The following OTUD5 variants were observed in gnomAD, a reference collection of about 807,000 sequenced individuals.
OTUD5 encodes the protein OTU domain-containing protein 5.
Under a neutral mutation model 36.3 loss-of-function variants are expected in OTUD5, and 2 were observed. The observed-to-expected ratio is 0.06, with a 90% CI of 0.02 to 0.17. The LOEUF (loss-of-function observed/expected upper bound fraction) is 0.17. Ranked by LOEUF, OTUD5 falls within the 10% of genes least tolerant of loss-of-function variation. The probability of loss-of-function intolerance (pLI) is 1.00; values close to 1 mark genes in which losing one functional copy is unlikely to be tolerated. For synonymous variants in OTUD5, 234 were observed against 214.9 expected (o/e 1.09, Z -0.78); for missense variants, 233 against 512.3 (o/e 0.45, Z 5.26).
In OTUD5 at chrX:48,922,973, GCA is replaced by G; in HGVS notation, c.*199_*200del. 1 of 1,072,229 alleles carries G rather than the reference GCA, an allele frequency of 9.3e-7. No individual in the cohort carries two copies. The highest frequency in any genetic ancestry group is 1.2e-6 in the Non-Finnish European group (1 of 828,730). The allele number at this position is 1,072,229 out of a possible 1,213,427, so 88.4% of individuals were successfully genotyped here. ...GGGGGGCAACAGGGCACATCAGCTG[GCA>G]GAGAGACAGGTGATAGTGGCAGCGG... On this transcript the variant is annotated 3_prime_UTR_variant, in exon 9 of 9. Transcript: ENST00000376488.
intron 2 of OTUD5, among the ~76,000 whole-genome samples, chrX:48,943,433 T>C (rs1207225920): frequency 8.9e-6 from 1 of 111,903 alleles, no homozygotes; most frequent in Non-Finnish European, 1.9e-5. Flanking sequence ...TATTTATGAA[T>C]GAAATGATCC....
At chrX:48,953,722 C>A in intron 1 of OTUD5, among the ~76,000 whole-genome samples, 1 of 111,353 alleles carries the variant, frequency 9.0e-6, no homozygotes, top group East Asian at 2.8e-4. Context: ...AGCAAGGCAG[C>A]CATGCCTGGG....
In OTUD5 at chrX:48,956,591, A is replaced by G. The variant is rs1305136917; in HGVS notation, c.594+386T>C. Among the ~76,000 whole-genome samples, 3 of 111,250 alleles carry G rather than the reference A, an allele frequency of 2.7e-5. No individual in the cohort carries two copies. The Admixed American group carries it at 2.9e-4, about 11-fold the overall frequency. ...TCAAACTTCTATCCCAGAGGAAAAG[A>G]GCTCTTAAGCCACTGAACACATACC... On this transcript the variant is annotated intron_variant, in intron 1 of 8. Transcript: ENST00000376488.
At chrX:48,947,936 G>A (rs1414637703) in intron 1 of OTUD5, among the ~76,000 whole-genome samples, 1 of 111,910 alleles carries the variant, frequency 8.9e-6, no homozygotes, top group Non-Finnish European at 1.9e-5. Context: ...GGAGGACCAG[G>A]AAGAAAGATG....
At position 48,957,477 on chromosome X, in the gene OTUD5, G is replaced by T; in HGVS notation, c.94C>A (p.Arg32Ser). The change falls in exon 1 of 9, where the codon CGC (arginine) becomes AGC (serine). Residue 32 changes from arginine (R) to serine (S), a missense_variant. By Grantham distance (110) the Arg-to-Ser change is moderately radical (BLOSUM62 -1). Transcript: ENST00000376488. Reference sequence around the variant, plus strand: ...CCGCCCACGCCCACACCTCCGCCGCGCCGCGGCGCCGGGGGCATCGGCCCG... The same window carrying T: ...CCGCCCACGCCCACACCTCCGCCGCTCCGCGGCGCCGGGGGCATCGGCCCG... ...PPGPMPPAPRRGGGVGVGGGG... is the reference protein window; with the variant it reads ...PPGPMPPAPRSGGGVGVGGGG... 1.2e-6 allele frequency: 1 copy of T among 859,779 alleles called. No homozygotes were observed. Among genetic ancestry groups the T allele is most frequent in the Non-Finnish European group, 1.4e-6 (1 of 701,723 alleles). 70.9% of individuals were successfully genotyped at this position (859,779 alleles called of 1,213,427 possible). A position where few individuals can be genotyped will look rare whatever the true frequency, so the allele number is the denominator to read the frequency against.
rs181095215 is a variant in OTUD5 at position 48,929,249 on chromosome X, G to A, written c.1060-3199C>T. ...TAAAAATCAAAAAAATTAGCTGGGC[G>A]TGGTGGCGCGTGCCTGTAATCCCAG... On this transcript the variant is annotated intron_variant, in intron 5 of 8. Coordinates refer to ENST00000376488, the MANE Select transcript of OTUD5 (RefSeq NM_001136157.2). Among the ~76,000 whole-genome samples, 474 of 108,895 alleles carry A rather than the reference G, an allele frequency of 4.4e-3. 13 individuals carry two copies. The highest frequency in any genetic ancestry group is 0.03 in the Admixed American group (302 of 10,150). The allele number at this position is 108,895 out of a possible 115,157, so 94.6% of individuals were successfully genotyped here. A position where few individuals can be genotyped will look rare whatever the true frequency, so the allele number is the denominator to read the frequency against.
chrX:48,949,593 G>A (rs1036175441), intron 1 of OTUD5, among the ~76,000 whole-genome samples: 15 of 111,312 alleles, frequency 1.3e-4, no homozygotes, highest in African/African-American at 4.6e-4. Context: ...CAGGAGAATC[G>A]CTGGAACCTG....
At position 48,924,066 on chromosome X, in the gene OTUD5, G is replaced by C. The variant is rs1557047139; in HGVS notation, c.1264-14C>G. Reference sequence around the variant, plus strand: ...GGCTTTCCGGGGCTGCAGCGGGGAAGGTAAATGCGTTAAGGACCACCAGCA... The same window carrying C: ...GGCTTTCCGGGGCTGCAGCGGGGAACGTAAATGCGTTAAGGACCACCAGCA... On this transcript the variant is annotated splice_polypyrimidine_tract_variant and intron_variant, in intron 6 of 8. Coordinates refer to ENST00000376488, the MANE Select transcript of OTUD5 (RefSeq NM_001136157.2). The C allele has an allele frequency of 8.5e-7, 1 of 1,182,935 alleles. No homozygotes were observed. The highest frequency in any genetic ancestry group is 2.3e-5 in the Admixed American group (1 of 42,633).
intron 1 of OTUD5, among the ~76,000 whole-genome samples, chrX:48,950,584 C>A (rs961374836): frequency 4.1e-5 from 4 of 98,226 alleles, no homozygotes; most frequent in Non-Finnish European, 6.2e-5. Context: ...GCTCTGTCAC[C>A]CAGGCTGGAG....
At chrX:48,941,432 C>CAAAAAAAAAAAAAA (rs200040194) in intron 2 of OTUD5, among the ~76,000 whole-genome samples, 1 of 31,928 alleles carries the variant, frequency 3.1e-5, no homozygotes, top group African/African-American at 1.4e-4. Context: ...GACTCCATCT[C>CAAAAAAAAAAAAAA]AAAAAAAAAA....
At chrX:48,954,124 T>C (rs1557054546) in intron 1 of OTUD5, among the ~76,000 whole-genome samples, 13 of 111,122 alleles carry the variant, frequency 1.2e-4, no homozygotes, top group Non-Finnish European at 1.3e-4. Context: ...TTGATTTTCA[T>C]ATTCTTTTTT....
In OTUD5 at chrX:48,949,809, C is replaced by T. The variant is rs782132203; in HGVS notation, c.595-5526G>A. Reference sequence around the variant, plus strand: ...TGGAGGGTGCAGTGAGCCAAGATTACGCCACTGCACTCCAGCCTGGGTGAC... The same window carrying T: ...TGGAGGGTGCAGTGAGCCAAGATTATGCCACTGCACTCCAGCCTGGGTGAC... On this transcript the variant is annotated intron_variant, in intron 1 of 8. Transcript: ENST00000376488. Among the ~76,000 whole-genome samples the T allele has an allele frequency of 2.8e-3, 311 of 110,959 alleles. 2 individuals carry two copies. Among genetic ancestry groups the T allele is most frequent in the Admixed American group, 7.7e-3 (80 of 10,443 alleles).
chrX:48,922,947 T>TG lies in OTUD5; in HGVS notation c.*226dup, dbSNP rs1228799909. On this transcript the variant is annotated 3_prime_UTR_variant, in exon 9 of 9. Transcript: ENST00000376488. Reference sequence around the variant, plus strand: ...AGGGATGGTTCTGTGCGGGATGGGGTGGGGGGCAACAGGGCACATCAGCTG... The same window carrying TG: ...AGGGATGGTTCTGTGCGGGATGGGGTGGGGGGGCAACAGGGCACATCAGCTG... 4.8e-6 allele frequency: 5 copies of TG among 1,034,185 alleles called. No individual in the cohort carries two copies. Among genetic ancestry groups the TG allele is most frequent in the Non-Finnish European group, 6.2e-6 (5 of 809,287 alleles). The allele number at this position is 1,034,185 out of a possible 1,213,427, so 85.2% of individuals were successfully genotyped here.
intron 1 of OTUD5, among the ~76,000 whole-genome samples, chrX:48,955,362 C>A (rs1445450274): frequency 1.8e-5 from 2 of 111,453 alleles, no homozygotes; most frequent in Non-Finnish European, 3.8e-5. Context: ...AGACTCAGGA[C>A]CCTGTTCCAC....
At chrX:48,923,509 C>A (rs1473502554) in intron 8 of OTUD5, 124 bp downstream of exon 8, 2 of 593,172 alleles carry the variant, frequency 3.4e-6, no homozygotes, top group East Asian at 3.6e-5. Flanking sequence ...CCCTCCAGTG[C>A]CTCTCCCTTC....
rs1466050677 is a variant in OTUD5, at chrX:48,957,238, G to A, written c.333C>T (p.Gly111=). 5 of 1,091,302 alleles carry A rather than the reference G, an allele frequency of 4.6e-6. No individual in the cohort carries two copies. The highest frequency in any genetic ancestry group is 2.0e-5 in the African/African-American group (1 of 51,188). 89.9% of individuals were successfully genotyped at this position (1,091,302 alleles called of 1,213,427 possible). A position where few individuals can be genotyped will look rare whatever the true frequency, so the allele number is the denominator to read the frequency against. ...CTGCGCCCAGCGCGTCGCCGGGACC[G>A]CCGCCGGGACCACCTGGGCCCCCGC... ...PPCGGPGGPG[G]GPGDALGAAA... Residue 111 remains glycine (G), a synonymous_variant, in exon 1 of 9, where the codon GGC becomes GGT. Transcript: ENST00000376488.
intron 2 of OTUD5, chrX:48,940,394 G>A (rs2063900224): frequency 8.8e-6 from 1 of 113,496 alleles, no homozygotes; most frequent in South Asian, 3.6e-4. Context: ...ACCTAGATAG[G>A]GTAGGGTCTT....
chrX:48,943,441 T>C (rs1273044431), intron 2 of OTUD5, among the ~76,000 whole-genome samples: 1 of 111,811 alleles, frequency 8.9e-6, no homozygotes, highest in African/African-American at 3.3e-5. Context: ...AATGAAATGA[T>C]CCAATGTCGG....
rs1719473061 is a variant in OTUD5, at chrX:48,922,209, G to A, written c.*965C>T. ...GCCCCACACAGAACAGAGTCGCTCA[G>A]GGAAACTGACATTTGGTTTTATTGT... On this transcript the variant is annotated 3_prime_UTR_variant, in exon 9 of 9. Coordinates refer to ENST00000376488, the MANE Select transcript of OTUD5 (RefSeq NM_001136157.2). The A allele has an allele frequency of 9.0e-6, 1 of 111,715 alleles. No homozygotes were observed. Among genetic ancestry groups the A allele is most frequent in the African/African-American group, 3.3e-5 (1 of 30,558 alleles). The allele number at this position is 111,715 out of a possible 1,213,427, so 9.2% of individuals were successfully genotyped here. A position where few individuals can be genotyped will look rare whatever the true frequency, so the allele number is the denominator to read the frequency against.
Sources: allele counts gnomAD v4.1 joint callset (sites outside exome capture counted in the v4.1 genomes callset), GRCh38; gene constraint gnomAD v4.1.1; transcripts MANE v1.5; gene names NCBI Gene and HGNC (gene_info 2026-07-23, HGNC 2026-07-21).